GABRB3: variants seen among roughly 807,000 people sequenced by gnomAD.
GABRB3 encodes the protein gamma-aminobutyric acid receptor subunit beta-3.
In GABRB3, 14 loss-of-function variants were observed where a neutral mutation model predicts 52.1. The observed-to-expected ratio is 0.27, with a 90% CI of 0.18 to 0.42. The LOEUF is 0.42. Ranked by LOEUF, GABRB3 falls within the 10% of genes least tolerant of loss-of-function variation. The pLI, the probability that GABRB3 is intolerant of heterozygous loss-of-function variation, is 1.00. For synonymous variants in GABRB3, 260 were observed against 232.3 expected, an observed-to-expected ratio of 1.12 and a Z score of -1.08; for missense variants, 307 against 609.1, an observed-to-expected ratio of 0.50 and a Z score of 5.22.
intron 4 of GABRB3, chr15:26,612,798 G>A (rs1383659178): frequency 6.6e-6 from 1 of 152,152 alleles, no homozygotes; most frequent in Non-Finnish European, 1.5e-5. Flanking sequence ...TAACTATTAG[G>A]ACAAATAGCT....
At chr15:26,642,978 G>A (rs1327757599) in intron 3 of GABRB3, among the ~76,000 whole-genome samples, 4 of 151,860 alleles carry the variant, frequency 2.6e-5, no homozygotes, top group Admixed American at 2.6e-4. Flanking sequence ...TCCTCACACG[G>A]CCCTCCTCTG....
intron 3 of GABRB3, among the ~76,000 whole-genome samples, chr15:26,635,129 G>A (rs1386796287): frequency 6.6e-6 from 1 of 150,968 alleles, no homozygotes; most frequent in East Asian, 2.0e-4. Flanking sequence ...ATTCCAAAAG[G>A]GAATGCAGTG....
intron 7 of GABRB3, among the ~76,000 whole-genome samples, chr15:26,563,614 C>T (rs910684024): frequency 6.6e-6 from 1 of 152,164 alleles, no homozygotes; most frequent in Non-Finnish European, 1.5e-5. Flanking sequence ...CTCTGATGTG[C>T]CAATAAATAG....
In GABRB3 at chr15:26,640,958, G is replaced by C. The variant is rs79456771; in HGVS notation, c.241-19424C>G. ...TAATTTAATCAGTCATGATTCTCTT[G>C]CTTTACGTTCACCTTTAAAACTGTG... On this transcript the variant is annotated intron_variant, in intron 3 of 8. Coordinates refer to ENST00000311550, the MANE Select transcript of GABRB3 (RefSeq NM_000814.6). Among the ~76,000 whole-genome samples, 41 of 152,312 alleles carry C rather than the reference G, an allele frequency of 2.7e-4. No homozygotes were observed. In the East Asian group the frequency reaches 5.4e-3, roughly 20 times the overall value.
chr15:26,740,619 C>G lies in GABRB3; in HGVS notation c.240+31783G>C, dbSNP rs187550668. Among the ~76,000 whole-genome samples, 369 of 152,232 alleles carry G rather than the reference C, an allele frequency of 2.4e-3. 1 individual carries two copies. The highest frequency in any genetic ancestry group is 8.6e-3 in the African/African-American group (357 of 41,548). On this transcript the variant is annotated intron_variant, in intron 3 of 8. Transcript: ENST00000311550. The stretch of plus-strand genomic sequence containing the variant: ...AACCTCCCTCTGTCCCGTGGGCACC[C>G]CAGGAAGCCTCCCTGTCTCCACAGC...
At chr15:26,569,048 C>T (rs1037738636) in intron 6 of GABRB3, among the ~76,000 whole-genome samples, 3 of 152,108 alleles carry the variant, frequency 2.0e-5, no homozygotes, top group Non-Finnish European at 4.4e-5. Context: ...TCCAAGAGGC[C>T]TCACCTTTCC....
intron 3 of GABRB3, among the ~76,000 whole-genome samples, chr15:26,756,224 T>G (rs1317770419): frequency 6.6e-6 from 1 of 152,078 alleles, no homozygotes; most frequent in African/African-American, 2.4e-5. Context: ...GTATCAAATT[T>G]CCTAAATAAT....
chr15:26,686,038 T>G (rs1370543366), intron 3 of GABRB3, among the ~76,000 whole-genome samples: 1 of 152,194 alleles, frequency 6.6e-6, no homozygotes, highest in Non-Finnish European at 1.5e-5. Flanking sequence ...CTCGAATTCC[T>G]GGCCTCAAGC....
At chr15:26,548,604 C>T (rs1026359738) in intron 8 of GABRB3, among the ~76,000 whole-genome samples, 15 of 152,120 alleles carry the variant, frequency 9.9e-5, no homozygotes, top group South Asian at 2.1e-4. Context: ...GTCCTGTGAT[C>T]GAAGATCATT....
intron 4 of GABRB3, among the ~76,000 whole-genome samples, chr15:26,616,293 A>C (rs1232418716): frequency 6.6e-6 from 1 of 151,952 alleles, no homozygotes; most frequent in Admixed American, 6.6e-5. Flanking sequence ...TAGGATAGCA[A>C]AGAATATGCG....
intron 3 of GABRB3, among the ~76,000 whole-genome samples, chr15:26,648,807 G>A (rs1887097601): frequency 6.6e-6 from 1 of 152,286 alleles, no homozygotes; most frequent in Non-Finnish European, 1.5e-5. Context: ...TCTCTGATGG[G>A]GAAGGAAAGA....
At chr15:26,718,118 A>G (rs2140138756) in intron 3 of GABRB3, among the ~76,000 whole-genome samples, 1 of 152,366 alleles carries the variant, frequency 6.6e-6, no homozygotes, top group Non-Finnish European at 1.5e-5. Flanking sequence ...CACACCTGAA[A>G]ACAAAAAAGA....
At position 26,544,668 on chromosome 15, in the gene GABRB3, A is replaced by G. The variant is rs1889161842; in HGVS notation, c.*3125T>C. ...CTTTCTCTGTAGGGAGTTATGTAGCAGGGCTCTTCCATTATCTCAAGGATA... is the reference window on the plus strand; with the variant it reads ...CTTTCTCTGTAGGGAGTTATGTAGCGGGGCTCTTCCATTATCTCAAGGATA... On this transcript the variant is annotated 3_prime_UTR_variant, in exon 9 of 9. Transcript: ENST00000311550. 6.6e-6 allele frequency: 1 copy of G among 152,218 alleles called. No homozygotes were observed. Among genetic ancestry groups the G allele is most frequent in the South Asian group, 2.1e-4 (1 of 4,836 alleles). 9.4% of individuals were successfully genotyped at this position (152,218 alleles called of 1,614,324 possible). A position where few individuals can be genotyped will look rare whatever the true frequency, so the allele number is the denominator to read the frequency against.
chr15:26,590,054 T>G (rs2140754769), intron 4 of GABRB3, among the ~76,000 whole-genome samples: 1 of 152,274 alleles, frequency 6.6e-6, no homozygotes, highest in South Asian at 2.1e-4. Context: ...GTCAAGAGGC[T>G]TGGATAAGAA....
intron 8 of GABRB3, among the ~76,000 whole-genome samples, chr15:26,556,985 A>ACAT (rs1889776852): frequency 6.6e-6 from 1 of 152,188 alleles, no homozygotes; most frequent in South Asian, 2.1e-4. Flanking sequence ...TATCCCTGAC[A>ACAT]CATCACAGCA....
chr15:26,704,032 T>A (rs546965724), intron 3 of GABRB3, among the ~76,000 whole-genome samples: 1 of 152,320 alleles, frequency 6.6e-6, no homozygotes, highest in South Asian at 2.1e-4. Flanking sequence ...ATGGAGGCTG[T>A]CTGTGATGGT....
intron 3 of GABRB3, among the ~76,000 whole-genome samples, chr15:26,761,058 T>C (rs976464443): frequency 2.0e-5 from 3 of 152,152 alleles, no homozygotes; most frequent in African/African-American, 7.2e-5. Flanking sequence ...CCCGAGCTAC[T>C]ATTAGTGACT....
chr15:26,654,613 T>C (rs1429754233), intron 3 of GABRB3, among the ~76,000 whole-genome samples: 3 of 151,970 alleles, frequency 2.0e-5, no homozygotes, highest in Non-Finnish European at 4.4e-5. Context: ...TTAAAAAAAT[T>C]AGCCAGCAGA....
At chr15:26,611,985 T>A (rs1207108297) in intron 4 of GABRB3, 1 of 152,228 alleles carries the variant, frequency 6.6e-6, no homozygotes, top group Non-Finnish European at 1.5e-5. Context: ...ATAGATAGTA[T>A]TAGCACTAAC....
Sources: gnomAD v4.1 joint callset for allele counts (sites outside exome capture counted in the v4.1 genomes callset) on GRCh38, gnomAD v4.1.1 for gene constraint, MANE v1.5 for transcripts, NCBI Gene and HGNC (gene_info 2026-07-23, HGNC 2026-07-21) for gene names.